NFAT5: variants seen among roughly 807,000 people sequenced by gnomAD.
The protein encoded by NFAT5 is nuclear factor of activated T-cells 5.
A neutral mutation model predicts 166.5 loss-of-function variants in NFAT5; 31 were observed. That is an observed-to-expected ratio of 0.19 (90% CI 0.14 to 0.25). The LOEUF is 0.25. NFAT5 is among the 10% of genes least tolerant of loss of function. The probability of loss-of-function intolerance (pLI) is 1.00; values close to 1 mark genes in which losing one functional copy is unlikely to be tolerated. For missense variants in NFAT5, 1,449 were observed against 1,821.8 expected (o/e 0.80, Z 3.72); for synonymous variants, 612 against 639.7 (o/e 0.96, Z 0.65).
chr16:69,590,566 AAATT>A (rs1213746707), intron 2 of NFAT5, among the ~76,000 whole-genome samples: 1 of 152,236 alleles, frequency 6.6e-6, no homozygotes, highest in Admixed American at 6.5e-5. Context: ...TATAAGGAGA[AAATT>A]AATTCTAAAG....
At chr16:69,689,229 A>G (rs2037452936) in intron 11 of NFAT5, among the ~76,000 whole-genome samples, 1 of 152,150 alleles carries the variant, frequency 6.6e-6, no homozygotes, top group African/African-American at 2.4e-5. Context: ...GTGAGGCCTG[A>G]TTGTACCACT....
intron 7 of NFAT5, among the ~76,000 whole-genome samples, chr16:69,667,203 G>A (rs1169884108): frequency 3.3e-5 from 5 of 149,906 alleles, no homozygotes; most frequent in Admixed American, 6.7e-5. Context: ...GGATAGCACT[G>A]GGAGATATAC....
chr16:69,586,652 C>T (rs2032085506), intron 2 of NFAT5, among the ~76,000 whole-genome samples: 1 of 152,146 alleles, frequency 6.6e-6, no homozygotes, highest in African/African-American at 2.4e-5. Flanking sequence ...ATCTGCCCAC[C>T]TCAGCCTCCC....
chr16:69,675,198 AT>A (rs1331079816), intron 9 of NFAT5, among the ~76,000 whole-genome samples: 14 of 152,386 alleles, frequency 9.2e-5, no homozygotes, highest in Admixed American at 2.0e-4. Context: ...GAGTAAAAGT[AT>A]TTTGATAAAA....
In NFAT5 at chr16:69,651,080, A is replaced by G. The variant is rs567624564; in HGVS notation, c.813-2156A>G. 3.1e-4 allele frequency among the ~76,000 whole-genome samples: 47 copies of G among 152,344 alleles called. 1 individual carries two copies. In the South Asian group the frequency reaches 7.5e-3, roughly 24 times the overall value. ...AGTAATCTTTGATTTACTTATGTCA[A>G]ATTTACACGAATGGCATTCCTTGTC... is the stretch of plus-strand genomic sequence containing the variant. On this transcript the variant is annotated intron_variant, in intron 4 of 14. Coordinates refer to ENST00000349945, the MANE Select transcript of NFAT5 (RefSeq NM_138713.4).
intron 2 of NFAT5, among the ~76,000 whole-genome samples, chr16:69,595,420 G>A (rs1243787955): frequency 6.6e-6 from 1 of 152,150 alleles, no homozygotes; most frequent in Non-Finnish European, 1.5e-5. Context: ...TTGCTCATGG[G>A]TTTCTGGTGC....
intron 9 of NFAT5, among the ~76,000 whole-genome samples, chr16:69,675,363 T>G (rs764261865): frequency 1.3e-5 from 2 of 152,194 alleles, no homozygotes; most frequent in Non-Finnish European, 1.5e-5. Context: ...TAACTCTAGA[T>G]AGACTGTTTC....
chr16:69,634,384 TG>T (rs886658377), intron 3 of NFAT5, among the ~76,000 whole-genome samples: 2 of 151,946 alleles, frequency 1.3e-5, no homozygotes, highest in African/African-American at 4.8e-5. Flanking sequence ...TTAAAATCAC[TG>T]GGTGCAAATG....
chr16:69,600,311 A>G (rs1049219150), intron 2 of NFAT5, among the ~76,000 whole-genome samples: 2 of 152,146 alleles, frequency 1.3e-5, no homozygotes, highest in Admixed American at 6.6e-5. Flanking sequence ...TAACCAAGCA[A>G]TTTGAATGGG....
chr16:69,616,122 C>A (rs141979503), intron 2 of NFAT5, among the ~76,000 whole-genome samples: 1 of 152,102 alleles, frequency 6.6e-6, no homozygotes, highest in Non-Finnish European at 1.5e-5. Context: ...TGCCTATCTA[C>A]GGAAATGCCC....
At chr16:69,624,046 C>G (rs570651810) in intron 2 of NFAT5, among the ~76,000 whole-genome samples, 1 of 151,476 alleles carries the variant, frequency 6.6e-6, no homozygotes, top group Non-Finnish European at 1.5e-5. Flanking sequence ...CCACCGTGAC[C>G]GGCCGTCTAC....
In NFAT5 at chr16:69,677,919, G is replaced by A. The variant is rs532969075; in HGVS notation, c.1690+584G>A. On this transcript the variant is annotated intron_variant, in intron 10 of 14. Transcript: ENST00000349945. ...TGTAATCTCAGCACTTTGGGAGGCC[G>A]AGGCGGGTGGATCACCTGAGGTCAG... is the stretch of plus-strand genomic sequence containing the variant. Among the ~76,000 whole-genome samples the A allele has an allele frequency of 1.2e-4, 18 of 152,100 alleles. 2 individuals are homozygous for A. The highest frequency in any genetic ancestry group is 3.9e-4 in the East Asian group (2 of 5,142).
At chr16:69,680,931 T>G (rs2037033561) in intron 10 of NFAT5, among the ~76,000 whole-genome samples, 1 of 152,136 alleles carries the variant, frequency 6.6e-6, no homozygotes, top group African/African-American at 2.4e-5. Flanking sequence ...GGCTAATTTT[T>G]GTATTTTTAG....
At chr16:69,607,978 T>C (rs2033501794) in intron 2 of NFAT5, among the ~76,000 whole-genome samples, 1 of 152,212 alleles carries the variant, frequency 6.6e-6, no homozygotes, top group African/African-American at 2.4e-5. Flanking sequence ...TTTGATATAA[T>C]TTCAAAAGGG....
intron 3 of NFAT5, among the ~76,000 whole-genome samples, chr16:69,643,808 G>T (rs556987553): frequency 6.6e-6 from 1 of 152,168 alleles, no homozygotes; most frequent in South Asian, 2.1e-4. Flanking sequence ...GTGTTGGGAG[G>T]ATCTAAGATG....
chr16:69,655,457 GA>G, intron 5 of NFAT5, 151 bp from the exon 6 acceptor site: 1 of 524,576 alleles, frequency 1.9e-6, no homozygotes, highest in Non-Finnish European at 3.1e-6. Flanking sequence ...ACTCTTTTAT[GA>G]AAATGTTTTA....
At chr16:69,609,413 T>TA (rs796764681) in intron 2 of NFAT5, among the ~76,000 whole-genome samples, 2 of 151,928 alleles carry the variant, frequency 1.3e-5, no homozygotes, top group Non-Finnish European at 2.9e-5. Context: ...TCATTCAGGT[T>TA]AAAAAAAATA....
At chr16:69,651,796 G>T (rs927548087) in intron 4 of NFAT5, among the ~76,000 whole-genome samples, 3 of 151,210 alleles carry the variant, frequency 2.0e-5, no homozygotes, top group African/African-American at 7.3e-5. Flanking sequence ...TCAGCCTCCC[G>T]AGTAGATGGG....
chr16:69,642,474 T>C (rs2035255149), intron 3 of NFAT5, among the ~76,000 whole-genome samples: 1 of 152,212 alleles, frequency 6.6e-6, no homozygotes, highest in African/African-American at 2.4e-5. Flanking sequence ...CTATTAATTT[T>C]TCCTTTAGTT....
Sources: gnomAD v4.1 joint callset for allele counts (sites outside exome capture counted in the v4.1 genomes callset) on GRCh38, gnomAD v4.1.1 for gene constraint, MANE v1.5 for transcripts, NCBI Gene and HGNC (gene_info 2026-07-23, HGNC 2026-07-21) for gene names.